Variants in SRGAP3 observed in about 807,000 individuals in gnomAD.
The protein encoded by SRGAP3 is SLIT-ROBO Rho GTPase activating protein 3, also known as SLIT-ROBO Rho GTPase-activating protein 3.
Under a neutral mutation model 121.1 loss-of-function variants are expected in SRGAP3, and 39 were observed. That is an observed-to-expected ratio of 0.32 (90% CI 0.25 to 0.42). The LOEUF (loss-of-function observed/expected upper bound fraction) is 0.42, where lower values mean the gene tolerates loss of function less well. SRGAP3 is among the 10% of genes least tolerant of loss of function. The pLI is 1.00. For synonymous variants in SRGAP3, 601 were observed against 570.0 expected, an observed-to-expected ratio of 1.05 and a Z score of -0.77; for missense variants, 1,213 against 1,470.6, an observed-to-expected ratio of 0.82 and a Z score of 2.86.
chr3:9,156,484 G>GCATA, intron 1 of SRGAP3, among the ~76,000 whole-genome samples: 1 of 152,260 alleles, frequency 6.6e-6, no homozygotes, highest in South Asian at 2.1e-4. Flanking sequence ...GGCTTAGCCA[G>GCATA]GTACTGTCTA....
intron 14 of SRGAP3, among the ~76,000 whole-genome samples, chr3:9,018,727 G>A (rs761706312): frequency 2.0e-5 from 3 of 152,188 alleles, no homozygotes; most frequent in East Asian, 1.9e-4. Context: ...GGTTTTCTTC[G>A]TATTTTAGGT....
At chr3:9,205,567 C>T (rs892693708) in intron 1 of SRGAP3, among the ~76,000 whole-genome samples, 5 of 152,208 alleles carry the variant, frequency 3.3e-5, no homozygotes, top group African/African-American at 9.6e-5. Context: ...GAGTCAGCCC[C>T]ACCCAAATCT....
chr3:9,246,379 G>T (rs749073745), intron 1 of SRGAP3, among the ~76,000 whole-genome samples: 2 of 152,166 alleles, frequency 1.3e-5, no homozygotes, highest in African/African-American at 4.8e-5. Flanking sequence ...TGCAACAAAG[G>T]CAACGGGATG....
At chr3:9,279,540 G>A (rs922891856) in intron 3 of SRGAP3, among the ~76,000 whole-genome samples, 1 of 139,924 alleles carries the variant, frequency 7.1e-6, no homozygotes, top group African/African-American at 2.7e-5. Context: ...TTGAGATGGA[G>A]TCTCACTCTG....
At position 9,229,452 on chromosome 3, in the gene SRGAP3, G is replaced by C. The variant is rs529911653; in HGVS notation, c.67+19433C>G. On this transcript the variant is annotated intron_variant, in intron 1 of 21. Transcript: ENST00000383836. ...AGAGCTGAGATTCAGGTGTGGGCCC[G>C]GACAGAGGCCGGCATGGCAACCTCC... Among the ~76,000 whole-genome samples the C allele has an allele frequency of 2.6e-5, 4 of 152,254 alleles. 1 individual carries two copies. The highest frequency in any genetic ancestry group is 9.6e-5 in the African/African-American group (4 of 41,552).
Position 8,983,749 on chromosome 3 carries a change from T to C in SRGAP3, c.*1770A>G, listed in dbSNP as rs1941543154. 2 of 230,466 alleles carry C rather than the reference T, an allele frequency of 8.7e-6. No homozygotes were observed. The highest frequency in any genetic ancestry group is 1.1e-4 in the Admixed American group (2 of 17,704). 14.3% of individuals were successfully genotyped at this position (230,466 alleles called of 1,614,324 possible). A position where few individuals can be genotyped will look rare whatever the true frequency, so the allele number is the denominator to read the frequency against. ...GTGTTTTCCAGTGTACACAGCTTGC[T>C]CACTGATGTTTGACCTTTATTACCC... On this transcript the variant is annotated 3_prime_UTR_variant, in exon 22 of 22. Transcript: ENST00000383836.
At chr3:9,316,438 C>G (rs1019089267) in intron 3 of SRGAP3, among the ~76,000 whole-genome samples, 1 of 151,372 alleles carries the variant, frequency 6.6e-6, no homozygotes, top group African/African-American at 2.4e-5. Flanking sequence ...GCGGGTGGAT[C>G]CCAATGTCAG....
At chr3:9,201,698 G>A (rs1316313697) in intron 1 of SRGAP3, among the ~76,000 whole-genome samples, 1 of 152,196 alleles carries the variant, frequency 6.6e-6, no homozygotes, top group East Asian at 1.9e-4. Flanking sequence ...AGAGTACACT[G>A]ACATCAAGGA....
At chr3:9,068,249 C>T (rs1218596413) in intron 4 of SRGAP3, among the ~76,000 whole-genome samples, 1 of 152,212 alleles carries the variant, frequency 6.6e-6, no homozygotes, top group Non-Finnish European at 1.5e-5. Flanking sequence ...ACAGCTAGAT[C>T]TTCCTGTCCA....
At chr3:9,289,956 C>T (rs564638068) in intron 3 of SRGAP3, among the ~76,000 whole-genome samples, 250 of 152,234 alleles carry the variant, frequency 1.6e-3, no homozygotes, top group African/African-American at 5.8e-3. Context: ...ACTAAAAATA[C>T]AAAAATTAGC....
intron 3 of SRGAP3, among the ~76,000 whole-genome samples, chr3:9,263,131 G>A (rs1280837727): frequency 2.0e-5 from 3 of 152,102 alleles, no homozygotes; most frequent in Non-Finnish European, 2.9e-5. Flanking sequence ...GGTAAATAAC[G>A]AAATTAAGGC....
chr3:9,335,483 G>C (rs1312149756), intron 1 of SRGAP3, among the ~76,000 whole-genome samples: 1 of 152,102 alleles, frequency 6.6e-6, no homozygotes, highest in East Asian at 1.9e-4. Flanking sequence ...TTTCCAGCTG[G>C]TCCTTACTTT....
At chr3:9,322,097 T>G (rs1450318382) in intron 3 of SRGAP3, among the ~76,000 whole-genome samples, 1 of 151,784 alleles carries the variant, frequency 6.6e-6, no homozygotes, top group African/African-American at 2.4e-5. Context: ...TCTTAGCTAC[T>G]TACCAGCTAT....
chr3:9,208,868 T>C (rs542299223), intron 1 of SRGAP3, among the ~76,000 whole-genome samples: 9 of 152,354 alleles, frequency 5.9e-5, no homozygotes, highest in African/African-American at 1.7e-4. Flanking sequence ...TCCAGCGTTA[T>C]TGCAAGCATT....
intron 3 of SRGAP3, among the ~76,000 whole-genome samples, chr3:9,269,434 C>A (rs1954432088): frequency 6.6e-6 from 1 of 152,156 alleles, no homozygotes; most frequent in Admixed American, 6.5e-5. Context: ...GGATGTCTCC[C>A]CTGAAACTGG....
chr3:9,340,863 C>T (rs1328873031), intron 1 of SRGAP3, among the ~76,000 whole-genome samples: 1 of 152,114 alleles, frequency 6.6e-6, no homozygotes, highest in Admixed American at 6.5e-5. Context: ...AAGAAAATCA[C>T]CGTGAATGAA....
intron 1 of SRGAP3, among the ~76,000 whole-genome samples, chr3:9,339,565 C>T (rs1438151877): frequency 6.6e-6 from 1 of 152,206 alleles, no homozygotes; most frequent in African/African-American, 2.4e-5. Context: ...GGAGAGCTCA[C>T]GACTTCATTA....
chr3:9,237,823 A>T (rs1192092607), intron 1 of SRGAP3, among the ~76,000 whole-genome samples: 1 of 152,216 alleles, frequency 6.6e-6, no homozygotes, highest in Non-Finnish European at 1.5e-5. Flanking sequence ...ATGAGATGCT[A>T]CTGAAGGGTT....
At chr3:9,276,599 G>A (rs1013156451) in intron 3 of SRGAP3, among the ~76,000 whole-genome samples, 1 of 151,962 alleles carries the variant, frequency 6.6e-6, no homozygotes, top group African/African-American at 2.4e-5. Context: ...CTAATTTTTT[G>A]TATTTTTAGT....
Sources: gnomAD v4.1 joint callset for allele counts (sites outside exome capture counted in the v4.1 genomes callset) on GRCh38, gnomAD v4.1.1 for gene constraint, MANE v1.5 for transcripts, NCBI Gene and HGNC (gene_info 2026-07-23, HGNC 2026-07-21) for gene names.